The following SLC10A7 variants were observed in gnomAD, a reference collection of about 807,000 sequenced individuals.
SLC10A7 encodes sodium/bile acid cotransporter 7.
A neutral mutation model predicts 43.2 loss-of-function variants in SLC10A7; 29 were observed. The observed-to-expected ratio is 0.67, with a 90% CI of 0.50 to 0.92. The LOEUF (loss-of-function observed/expected upper bound fraction) is 0.92. Ranked by LOEUF, SLC10A7 falls within the 40% of genes least tolerant of loss-of-function variation. SLC10A7 has a pLI of 0.00. For missense variants in SLC10A7, 295 were observed against 403.2 expected (o/e 0.73, Z 2.30); for synonymous variants, 152 against 144.8 (o/e 1.05, Z -0.35).
chr4:146,464,142 C>G lies in SLC10A7; in HGVS notation c.397-21321G>C, dbSNP rs1391608829. On this transcript the variant is annotated intron_variant, in intron 4 of 11. Transcript: ENST00000335472. ...GCCTGGCCCCATTATTTTCTAATAG[C>G]AAAAAAAAAAGCTGGAACTATCAGG... Among the ~76,000 whole-genome samples, 4 of 143,866 alleles carry G rather than the reference C, an allele frequency of 2.8e-5. No homozygotes were observed. In the South Asian group the frequency reaches 8.8e-4, roughly 32 times the overall value. The allele number at this position is 143,866 out of a possible 152,430, so 94.4% of individuals were successfully genotyped here.
At chr4:146,302,379 A>T (rs1731221250) in intron 7 of SLC10A7, among the ~76,000 whole-genome samples, 1 of 152,214 alleles carries the variant, frequency 6.6e-6, no homozygotes, top group African/African-American at 2.4e-5. Context: ...TTTATTGGGT[A>T]CCTATGGTCT....
chr4:146,305,829 T>C, intron 7 of SLC10A7, 97 bp downstream of exon 7: 1 of 1,016,478 alleles, frequency 9.8e-7, no homozygotes, highest in South Asian at 1.7e-5. Flanking sequence ...ATTTATCTCC[T>C]CCCTCTGAAT....
intron 5 of SLC10A7, among the ~76,000 whole-genome samples, chr4:146,329,766 T>G (rs1733407262): frequency 6.6e-6 from 1 of 152,168 alleles, no homozygotes; most frequent in African/African-American, 2.4e-5. Flanking sequence ...CAAATATCAG[T>G]GGTAAAAAGG....
intron 10 of SLC10A7, among the ~76,000 whole-genome samples, 184 bp from the exon 11 acceptor site, chr4:146,259,021 T>G (rs993825592): frequency 1.1e-4 from 16 of 152,216 alleles, no homozygotes; most frequent in Non-Finnish European, 2.4e-4. Flanking sequence ...TTTCATGACA[T>G]AAAGTTCTAA....
intron 9 of SLC10A7, among the ~76,000 whole-genome samples, chr4:146,283,559 G>A (rs966242894): frequency 6.6e-6 from 1 of 152,028 alleles, no homozygotes; most frequent in South Asian, 2.1e-4. Flanking sequence ...ATGCAACAAG[G>A]AACTCTAAGT....
chr4:146,430,082 G>C (rs1279203028), intron 5 of SLC10A7, among the ~76,000 whole-genome samples: 1 of 148,920 alleles, frequency 6.7e-6, no homozygotes, highest in Non-Finnish European at 1.5e-5. Flanking sequence ...TGACAAACAA[G>C]GATTTCTTAG....
intron 5 of SLC10A7, among the ~76,000 whole-genome samples, chr4:146,435,586 T>C (rs1730144632): frequency 6.6e-6 from 1 of 152,176 alleles, no homozygotes; most frequent in Admixed American, 6.5e-5. Flanking sequence ...ACCACACTAT[T>C]ATGCCAGAAC....
At chr4:146,438,216 T>C (rs957669853) in intron 5 of SLC10A7, among the ~76,000 whole-genome samples, 5 of 151,888 alleles carry the variant, frequency 3.3e-5, no homozygotes, top group Non-Finnish European at 7.4e-5. Flanking sequence ...GGAAGAAAAA[T>C]ATAAACTGGC....
intron 5 of SLC10A7, among the ~76,000 whole-genome samples, chr4:146,376,469 C>T (rs991301070): frequency 1.3e-5 from 2 of 151,976 alleles, no homozygotes; most frequent in Non-Finnish European, 2.9e-5. Context: ...CCATTAAAAA[C>T]CCCAAACCCC....
At chr4:146,510,508 C>A (rs775985690) in intron 2 of SLC10A7, among the ~76,000 whole-genome samples, 4 of 152,118 alleles carry the variant, frequency 2.6e-5, no homozygotes, top group Non-Finnish European at 5.9e-5. Flanking sequence ...ATCTGCCCCC[C>A]TCAGCTTCCC....
In SLC10A7 at chr4:146,456,598, T is replaced by C. The variant is rs1438523365; in HGVS notation, c.397-13777A>G. Among the ~76,000 whole-genome samples, 3 of 151,946 alleles carry C rather than the reference T, an allele frequency of 2.0e-5. No homozygotes were observed. In the East Asian group the frequency reaches 5.8e-4, roughly 29 times the overall value. On this transcript the variant is annotated intron_variant, in intron 4 of 11. Transcript: ENST00000335472. The stretch of plus-strand genomic sequence containing the variant: ...GCCATACTTAACAATTACAGTTTAA[T>C]TATAAGGGATACACATTAGGCAAGG...
At chr4:146,289,560 T>C (rs1237310226) in intron 9 of SLC10A7, among the ~76,000 whole-genome samples, 4 of 152,076 alleles carry the variant, frequency 2.6e-5, no homozygotes, top group Admixed American at 2.6e-4. Context: ...AAATTTGCAG[T>C]TTCCCAAAGT....
At chr4:146,322,225 T>G (rs980832488) in intron 6 of SLC10A7, among the ~76,000 whole-genome samples, 1 of 152,160 alleles carries the variant, frequency 6.6e-6, no homozygotes, top group African/African-American at 2.4e-5. Flanking sequence ...GGTTCTTTTT[T>G]TAATTATTAT....
intron 10 of SLC10A7, among the ~76,000 whole-genome samples, chr4:146,272,157 A>T (rs573812229): frequency 7.2e-5 from 11 of 152,178 alleles, no homozygotes; most frequent in Non-Finnish European, 1.2e-4. Context: ...GAATGAATGA[A>T]TGGATGATGT....
intron 5 of SLC10A7, among the ~76,000 whole-genome samples, chr4:146,418,260 A>G (rs2149843201): frequency 6.6e-6 from 1 of 152,304 alleles, no homozygotes; most frequent in East Asian, 1.9e-4. Context: ...ATTGCTAATA[A>G]TTATGAGTGT....
intron 4 of SLC10A7, among the ~76,000 whole-genome samples, chr4:146,474,922 T>C (rs1224487699): frequency 7.9e-5 from 12 of 152,128 alleles, no homozygotes; most frequent in Non-Finnish European, 1.8e-4. Flanking sequence ...CATCTTCATT[T>C]TGATAGTACC....
chr4:146,333,587 A>G (rs942991123), intron 5 of SLC10A7, among the ~76,000 whole-genome samples: 179 of 152,162 alleles, frequency 1.2e-3, no homozygotes, highest in Non-Finnish European at 4.6e-4. Context: ...AAGAGACTAT[A>G]AAGGCACTGA....
chr4:146,405,373 A>C (rs543390053), intron 5 of SLC10A7, among the ~76,000 whole-genome samples: 1 of 152,320 alleles, frequency 6.6e-6, no homozygotes, highest in East Asian at 1.9e-4. Context: ...TTTTATAATA[A>C]ATTGGCACCA....
chr4:146,386,462 T>A lies in SLC10A7; in HGVS notation c.435+56321A>T, dbSNP rs76236015. Among the ~76,000 whole-genome samples, 172 of 152,330 alleles carry A rather than the reference T, an allele frequency of 1.1e-3. 1 individual carries two copies. In the East Asian group the frequency reaches 0.019, roughly 17 times the overall value. On this transcript the variant is annotated intron_variant, in intron 5 of 11. Transcript: ENST00000335472. ...AGTCATTAACATTTTGCTACCTCTCTCTCAACTGTCTGCCTCCCAAACTCT... is the reference window on the plus strand; with the variant it reads ...AGTCATTAACATTTTGCTACCTCTCACTCAACTGTCTGCCTCCCAAACTCT...
Sources: allele counts gnomAD v4.1 joint callset (sites outside exome capture counted in the v4.1 genomes callset), GRCh38; gene constraint gnomAD v4.1.1; transcripts MANE v1.5; gene names NCBI Gene and HGNC (gene_info 2026-07-23, HGNC 2026-07-21).